Variants in RPS6KA2 observed in about 807,000 individuals in gnomAD.
RPS6KA2 encodes ribosomal protein S6 kinase alpha-2.
RPS6KA2 carries 42 observed loss-of-function variants against 91.8 expected under a neutral mutation model. The ratio of observed to expected loss-of-function variants is 0.46; its 90% confidence interval spans 0.36 to 0.59. RPS6KA2 has a LOEUF of 0.59. Ranked by LOEUF, RPS6KA2 falls within the 20% of genes least tolerant of loss-of-function variation. The pLI is 0.00. For synonymous variants in RPS6KA2, 414 were observed against 393.6 expected, an observed-to-expected ratio of 1.05 and a Z score of -0.61; for missense variants, 798 against 978.5, an observed-to-expected ratio of 0.82 and a Z score of 2.46.
At chr6:166,567,374 G>A (rs1165164329) in intron 1 of RPS6KA2, among the ~76,000 whole-genome samples, 7 of 152,204 alleles carry the variant, frequency 4.6e-5, no homozygotes, top group African/African-American at 1.7e-4. Flanking sequence ...TTAATAGGGA[G>A]ACAGTAACCC....
chr6:166,577,141 T>G (rs940004646), intron 1 of RPS6KA2, among the ~76,000 whole-genome samples: 2 of 152,084 alleles, frequency 1.3e-5, no homozygotes, highest in African/African-American at 4.8e-5. Context: ...TTGCAGAAGA[T>G]GTATGGAAAA....
At chr6:166,653,235 A>G (rs1787914596) in intron 2 of RPS6KA2, among the ~76,000 whole-genome samples, 1 of 152,112 alleles carries the variant, frequency 6.6e-6, no homozygotes, top group Admixed American at 6.5e-5. Flanking sequence ...TAATTTTTGT[A>G]TGTTTAGTAG....
intron 2 of RPS6KA2, chr6:166,757,826 C>T (rs1327394732): frequency 2.3e-5 from 7 of 300,312 alleles, no homozygotes; most frequent in African/African-American, 4.5e-5. Context: ...ACAAAACCCC[C>T]GCTTTGCAAA....
chr6:166,708,299 TA>T (rs1051913459), intron 2 of RPS6KA2, among the ~76,000 whole-genome samples: 6 of 152,220 alleles, frequency 3.9e-5, no homozygotes, highest in African/African-American at 1.4e-4. Flanking sequence ...TAAAACTATT[TA>T]TTGACCACTC....
intron 2 of RPS6KA2, among the ~76,000 whole-genome samples, chr6:166,853,493 C>T (rs542880094): frequency 6.6e-6 from 1 of 152,322 alleles, no homozygotes; most frequent in South Asian, 2.1e-4. Flanking sequence ...CTCTCCTGGC[C>T]CAAAGCCATT....
At chr6:166,647,716 A>C (rs954654175) in intron 2 of RPS6KA2, among the ~76,000 whole-genome samples, 10 of 152,186 alleles carry the variant, frequency 6.6e-5, no homozygotes, top group African/African-American at 2.4e-4. Flanking sequence ...TTTTTCCAGG[A>C]GGCTTCCTAT....
At chr6:166,645,708 C>A (rs569717952) in intron 2 of RPS6KA2, among the ~76,000 whole-genome samples, 1 of 152,320 alleles carries the variant, frequency 6.6e-6, no homozygotes, top group South Asian at 2.1e-4. Flanking sequence ...CCATGTTGTA[C>A]CCACAGAGTT....
intron 2 of RPS6KA2, among the ~76,000 whole-genome samples, chr6:166,753,286 C>CT (rs1488006553): frequency 1.3e-5 from 2 of 152,226 alleles, no homozygotes; most frequent in Admixed American, 6.5e-5. Context: ...GCCACCTCTG[C>CT]TTATACAGCA....
intron 1 of RPS6KA2, among the ~76,000 whole-genome samples, chr6:166,570,872 G>A (rs943180157): frequency 2.0e-5 from 3 of 152,204 alleles, no homozygotes; most frequent in African/African-American, 7.2e-5. Context: ...TGGGAAGACT[G>A]AGTATGTTAA....
rs114318259 is a variant in RPS6KA2 at position 166,459,997 on chromosome 6, C to T, written c.973-446G>A. Among the ~76,000 whole-genome samples, 800 of 152,320 alleles carry T rather than the reference C, an allele frequency of 5.3e-3. 7 individuals are homozygous for T. Among genetic ancestry groups the T allele is most frequent in the African/African-American group, 0.018 (732 of 41,568 alleles). On this transcript the variant is annotated intron_variant, in intron 11 of 20. Coordinates refer to ENST00000265678, the MANE Select transcript of RPS6KA2 (RefSeq NM_021135.6). The surrounding 1 kb of genome is among the most constrained non-coding windows in gnomAD (Gnocchi z 4.9). ...CTGCCCTGGGACTTTGGGGCCAGCA[C>T]CACGGAACTTCAGCTCTGCGGGGCA...
rs759761631 is a variant in RPS6KA2, at chr6:166,737,802, A to C, written c.123+120398T>G. On this transcript the variant is annotated intron_variant, in intron 2 of 21. Coordinates refer to the RPS6KA2 transcript ENST00000503859. The surrounding 1 kb of genome is among the most constrained non-coding windows in gnomAD (Gnocchi z 4.3). ...CCTGTTTAGACGAACTCTAAATTAA[A>C]CTCAAATCCCTTTGGTTATTTTTAA... Among the ~76,000 whole-genome samples the C allele has an allele frequency of 6.6e-6, 1 of 152,212 alleles. No individual in the cohort carries two copies. Among genetic ancestry groups the C allele is most frequent in the Non-Finnish European group, 1.5e-5 (1 of 68,038 alleles).
At chr6:166,564,211 T>C (rs1483912691) in intron 1 of RPS6KA2, among the ~76,000 whole-genome samples, 1 of 152,226 alleles carries the variant, frequency 6.6e-6, no homozygotes, top group Non-Finnish European at 1.5e-5. Context: ...CCAGGTGTCT[T>C]CACTCCAAGC....
In RPS6KA2 at chr6:166,412,700, G is replaced by C; in HGVS notation, c.*62C>G. 2 of 1,503,022 alleles carry C rather than the reference G, an allele frequency of 1.3e-6. No individual in the cohort carries two copies. The highest frequency in any genetic ancestry group is 1.8e-6 in the Non-Finnish European group (2 of 1,121,184). 93.1% of individuals were successfully genotyped at this position (1,503,022 alleles called of 1,614,324 possible). On this transcript the variant is annotated 3_prime_UTR_variant, in exon 21 of 21. Coordinates refer to ENST00000265678, the MANE Select transcript of RPS6KA2 (RefSeq NM_021135.6). This position sits in a 1 kb window ranked among gnomAD's most constrained non-coding sequence, Gnocchi z 4.3. ...ACTCTGGGTGCCAGACGGGCTCCGA[G>C]GCCGGGGTCTGTGAGCCCACGAGGA... is the stretch of plus-strand genomic sequence containing the variant.
At chr6:166,641,463 C>T (rs1488885399) in intron 2 of RPS6KA2, among the ~76,000 whole-genome samples, 3 of 151,590 alleles carry the variant, frequency 2.0e-5, no homozygotes, top group Admixed American at 2.0e-4. Context: ...GTGGCTCATG[C>T]TTATAATCCC....
chr6:166,605,445 A>G (rs1380225292), intron 1 of RPS6KA2, among the ~76,000 whole-genome samples: 1 of 152,172 alleles, frequency 6.6e-6, no homozygotes, highest in African/African-American at 2.4e-5. Context: ...TGTGCTTATT[A>G]AGACTTAATC....
At chr6:166,735,455 T>C (rs1310693002) in intron 2 of RPS6KA2, among the ~76,000 whole-genome samples, 1 of 152,186 alleles carries the variant, frequency 6.6e-6, no homozygotes, top group Non-Finnish European at 1.5e-5. Context: ...TTCAAGCACA[T>C]GACATTTATT....
intron 3 of RPS6KA2, 40 bp from the exon 4 acceptor site, chr6:166,510,397 A>G (rs565579425): frequency 1.5e-6 from 2 of 1,373,852 alleles, no homozygotes; most frequent in Non-Finnish European, 2.0e-6. Flanking sequence ...GAGGCAGGAA[A>G]TAAGAGTTCT....
intron 13 of RPS6KA2, among the ~76,000 whole-genome samples, chr6:166,450,387 C>A (rs187221444): frequency 4.6e-3 from 645 of 140,856 alleles, no homozygotes; most frequent in African/African-American, 0.016. Context: ...ACGACAGGGA[C>A]CACCACAGGA....
intron 2 of RPS6KA2, among the ~76,000 whole-genome samples, chr6:166,843,687 G>C (rs1780542470): frequency 1.3e-5 from 2 of 152,176 alleles, no homozygotes; most frequent in African/African-American, 4.8e-5. Flanking sequence ...CTACAGTTCA[G>C]CTCTCAGGAA....
Sources: gnomAD v4.1 joint callset for allele counts (sites outside exome capture counted in the v4.1 genomes callset) on GRCh38, gnomAD v4.1.1 for gene constraint, Gnocchi (gnomAD v3.1) non-coding constraint, MANE v1.5 for transcripts, NCBI Gene and HGNC (gene_info 2026-07-23, HGNC 2026-07-21) for gene names.